RALY: variants seen among roughly 807,000 people sequenced by gnomAD.
RALY encodes RNA-binding protein Raly.
Under a neutral mutation model 30.7 loss-of-function variants are expected in RALY, and 15 were observed. The ratio of observed to expected loss-of-function variants is 0.49; its 90% confidence interval spans 0.33 to 0.75. The LOEUF (loss-of-function observed/expected upper bound fraction) is 0.75. Ranked by LOEUF, RALY falls within the 30% of genes least tolerant of loss-of-function variation. RALY has a pLI of 0.02. For synonymous variants in RALY, 177 were observed against 170.8 expected, an observed-to-expected ratio of 1.04 and a Z score of -0.28; for missense variants, 339 against 414.3, an observed-to-expected ratio of 0.82 and a Z score of 1.58.
intron 1 of RALY, among the ~76,000 whole-genome samples, chr20:34,015,335 CT>C (rs73621672): frequency 2.3e-4 from 35 of 151,002 alleles, no homozygotes; most frequent in African/African-American, 3.2e-4. Flanking sequence ...ATATTTCCCC[CT>C]TTTTTTTTAA....
chr20:34,044,513 T>G (rs2032811701), intron 2 of RALY, among the ~76,000 whole-genome samples: 1 of 151,500 alleles, frequency 6.6e-6, no homozygotes, highest in African/African-American at 2.4e-5. Flanking sequence ...AGAGGCGGAG[T>G]TTCTCCATGT....
intron 9 of RALY, 89 bp downstream of exon 9, chr20:34,078,642 C>T (rs901272164): frequency 1.2e-5 from 15 of 1,272,426 alleles, no homozygotes; most frequent in South Asian, 5.7e-5. Context: ...GGAAGTGTCA[C>T]GAAGCATACC....
intron 2 of RALY, among the ~76,000 whole-genome samples, chr20:34,064,478 T>G (rs992559175): frequency 2.0e-5 from 3 of 152,210 alleles, no homozygotes; most frequent in African/African-American, 7.2e-5. Flanking sequence ...TCAGCAAAGC[T>G]GGAACCCCTC....
intron 1 of RALY, among the ~76,000 whole-genome samples, chr20:34,010,439 A>G (rs956071676): frequency 6.6e-6 from 1 of 152,106 alleles, no homozygotes; most frequent in Non-Finnish European, 1.5e-5. Flanking sequence ...GCTCTTTTAC[A>G]AACTAGGCTG....
At position 34,072,269 on chromosome 20, in the gene RALY, G is replaced by A; in HGVS notation, c.195G>A (p.Glu65=). 1 of 1,614,118 alleles carries A rather than the reference G, an allele frequency of 6.2e-7. No individual in the cohort carries two copies. Among genetic ancestry groups the A allele is most frequent in the Non-Finnish European group, 8.5e-7 (1 of 1,180,048 alleles). ...ATGCCTTTGTTCAGTACTCCAATGA[G>A]CGCCATGCCCGGGCAGCTGTGCTGG... The part of the protein sequence containing the change: ...KGYAFVQYSN[E]RHARAAVLGE... The change falls in exon 3 of 10, where the codon GAG becomes GAA. Residue 65 remains glutamate (E), a synonymous_variant. Transcript: ENST00000246194.
intron 1 of RALY, among the ~76,000 whole-genome samples, chr20:34,026,595 A>C (rs2032049874): frequency 6.7e-6 from 1 of 150,162 alleles, no homozygotes; most frequent in Admixed American, 6.6e-5. Flanking sequence ...TATTTTTAGT[A>C]GAGACGGGGT....
At chr20:34,040,957 G>A (rs2032678838) in intron 2 of RALY, among the ~76,000 whole-genome samples, 1 of 152,150 alleles carries the variant, frequency 6.6e-6, no homozygotes, top group African/African-American at 2.4e-5. Flanking sequence ...GGCGTTTGGT[G>A]CCCTGAGTGT....
intron 2 of RALY, among the ~76,000 whole-genome samples, chr20:34,047,609 G>T (rs535322948): frequency 6.6e-6 from 1 of 152,168 alleles, no homozygotes; most frequent in Non-Finnish European, 1.5e-5. Flanking sequence ...CTTCGGAGTC[G>T]CACAGACCTG....
intron 1 of RALY, among the ~76,000 whole-genome samples, chr20:33,997,211 G>A (rs1017756078): frequency 2.0e-5 from 3 of 152,132 alleles, no homozygotes; most frequent in African/African-American, 4.8e-5. Flanking sequence ...AACCTCCTGG[G>A]TTCAAGGGAT....
intron 1 of RALY, among the ~76,000 whole-genome samples, chr20:34,026,403 T>A (rs1287354304): frequency 1.3e-5 from 2 of 148,808 alleles, no homozygotes; most frequent in African/African-American, 5.1e-5. Flanking sequence ...TATTTATTTA[T>A]TTATTTATTT....
At chr20:34,063,923 T>C (rs547011744) in intron 2 of RALY, among the ~76,000 whole-genome samples, 16 of 152,186 alleles carry the variant, frequency 1.1e-4, no homozygotes, top group African/African-American at 3.9e-4. Context: ...TCAGGGCACG[T>C]GTGCCTTGTG....
rs1220606386 is a variant in RALY, at chr20:34,007,364, A to G, written c.-93+13233A>G. ...GTGAAAGTCCGTCTCTACTAAAAATACAAAAAATTAGCTGGGCATGGTGGC... is the reference window on the plus strand; with the variant it reads ...GTGAAAGTCCGTCTCTACTAAAAATGCAAAAAATTAGCTGGGCATGGTGGC... On this transcript the variant is annotated intron_variant, in intron 1 of 9. Coordinates refer to ENST00000246194, the MANE Select transcript of RALY (RefSeq NM_016732.3). Among the ~76,000 whole-genome samples the G allele has an allele frequency of 2.6e-5, 4 of 152,138 alleles. No homozygotes were observed. In the South Asian group the frequency reaches 6.2e-4, roughly 24 times the overall value.
intron 2 of RALY, among the ~76,000 whole-genome samples, chr20:34,045,554 G>A (rs901405785): frequency 1.3e-5 from 2 of 152,210 alleles, no homozygotes; most frequent in Non-Finnish European, 2.9e-5. Flanking sequence ...TTGGCATGTA[G>A]CCAGGATCAC....
At chr20:34,058,867 C>T (rs1568686435) in intron 2 of RALY, among the ~76,000 whole-genome samples, 1 of 152,142 alleles carries the variant, frequency 6.6e-6, no homozygotes, top group Non-Finnish European at 1.5e-5. Context: ...AGGATTTGAA[C>T]TTGATTCTTT....
intron 2 of RALY, among the ~76,000 whole-genome samples, chr20:34,031,886 G>A (rs1021465091): frequency 6.6e-6 from 1 of 152,174 alleles, no homozygotes; most frequent in Admixed American, 6.5e-5. Context: ...GCTGGGATGT[G>A]GCAGGTGGGG....
chr20:34,001,098 G>A (rs2030894475), intron 1 of RALY, among the ~76,000 whole-genome samples: 1 of 152,148 alleles, frequency 6.6e-6, no homozygotes, highest in Admixed American at 6.5e-5. Flanking sequence ...TTTTAGAGTG[G>A]ACAGATTGCT....
At chr20:34,003,971 A>G (rs1773776688) in intron 1 of RALY, among the ~76,000 whole-genome samples, 1 of 152,168 alleles carries the variant, frequency 6.6e-6, no homozygotes, top group Non-Finnish European at 1.5e-5. Flanking sequence ...ACCAGGTTAC[A>G]TGGTTAGTGA....
intron 1 of RALY, among the ~76,000 whole-genome samples, chr20:33,997,435 A>G (rs1230864832): frequency 6.6e-6 from 1 of 151,932 alleles, no homozygotes; most frequent in African/African-American, 2.4e-5. Flanking sequence ...TTAAAATAGA[A>G]CCGAGATAAC....
At chr20:34,078,423 G>A in intron 8 of RALY, 82 bp from the exon 9 acceptor site, 1 of 1,348,096 alleles carries the variant, frequency 7.4e-7, no homozygotes, top group East Asian at 2.7e-5. Flanking sequence ...GGACCATGAA[G>A]TTTTTCTGGA....
Sources: gnomAD v4.1 joint callset for allele counts (sites outside exome capture counted in the v4.1 genomes callset) on GRCh38, gnomAD v4.1.1 for gene constraint, MANE v1.5 for transcripts, NCBI Gene and HGNC (gene_info 2026-07-23, HGNC 2026-07-21) for gene names.